Variants in DCAF13 observed in about 807,000 individuals in gnomAD.
DCAF13 encodes DDB1- and CUL4-associated factor 13.
Under a neutral mutation model 59.0 loss-of-function variants are expected in DCAF13, and 38 were observed. That is an observed-to-expected ratio of 0.64 (90% CI 0.50 to 0.84). The LOEUF is 0.84. DCAF13 is among the 40% of genes least tolerant of loss of function. DCAF13 has a pLI of 0.00. For synonymous variants in DCAF13, 173 were observed against 175.0 expected, an observed-to-expected ratio of 0.99 and a Z score of 0.09; for missense variants, 469 against 558.4, an observed-to-expected ratio of 0.84 and a Z score of 1.61.
chr8:103,432,697 C>A lies in DCAF13; in HGVS notation c.741C>A (p.Asn247Lys). ...LDMRTNTICW[N>K]PMEAFIFTAA... ...TGAGAACAAATACAATCTGTTGGAA[C>A]CCTATGGAAGCTTTCATTTTTACAG... is the stretch of plus-strand genomic sequence containing the variant. The change falls in exon 7 of 11, where the codon AAC becomes AAA. Residue 247 changes from asparagine (N) to lysine (K), a missense_variant. Physicochemically the swap from Asn to Lys is moderately conservative, Grantham distance 94 (BLOSUM62 0). Around this residue, in one of 3 missense-constraint regions of DCAF13, gnomAD observed 355 missense variants for 399.1 expected, o/e 0.89. Coordinates refer to ENST00000612750, the MANE Select transcript of DCAF13 (RefSeq NM_015420.7). The A allele has an allele frequency of 2.5e-6, 4 of 1,606,246 alleles. No individual in the cohort carries two copies. The highest frequency in any genetic ancestry group is 2.6e-6 in the Non-Finnish European group (3 of 1,174,096).
chr8:103,421,515 C>T (rs1023271588), intron 3 of DCAF13, among the ~76,000 whole-genome samples: 3 of 152,186 alleles, frequency 2.0e-5, no homozygotes, highest in Non-Finnish European at 2.9e-5. Context: ...CATCACTGTG[C>T]AACCATCACC....
At chr8:103,439,322 A>G (rs1039141741) in intron 8 of DCAF13, among the ~76,000 whole-genome samples, 1 of 149,534 alleles carries the variant, frequency 6.7e-6, no homozygotes, top group Non-Finnish European at 1.5e-5. Context: ...AACTTATCAG[A>G]CACTTCTGTA....
intron 7 of DCAF13, 132 bp from the exon 8 acceptor site, chr8:103,435,494 T>A (rs1816920663): frequency 1.6e-6 from 1 of 628,738 alleles, no homozygotes; most frequent in African/African-American, 1.9e-5. Context: ...CACCTGCTTG[T>A]GTACAGCATT....
In DCAF13 at chr8:103,430,689, G is replaced by T; in HGVS notation, c.702G>T (p.Lys234Asn). 1 of 1,605,836 alleles carries T rather than the reference G, an allele frequency of 6.2e-7. No homozygotes were observed. The highest frequency in any genetic ancestry group is 8.5e-7 in the Non-Finnish European group (1 of 1,175,792). Residue 234 changes from lysine to asparagine, a missense_variant and splice_region_variant, in exon 6 of 11, where the codon AAG becomes AAT. Around this residue, in one of 3 missense-constraint regions of DCAF13, gnomAD observed 355 missense variants for 399.1 expected, o/e 0.89. Coordinates refer to ENST00000612750, the MANE Select transcript of DCAF13 (RefSeq NM_015420.7). ...YDMRQATPLK[K>N]VILDMRTNTI... ...TGAGGCAAGCTACTCCTTTGAAAAA[G>T]GTGAGTTTCAGTTTTGACTTTTGCT...
rs550552428 is a variant in DCAF13 at position 103,423,904 on chromosome 8, C to T, written c.379-2152C>T. Among the ~76,000 whole-genome samples, 37 of 152,190 alleles carry T rather than the reference C, an allele frequency of 2.4e-4. 2 individuals are homozygous for T. The highest frequency in any genetic ancestry group is 1.3e-3 in the Admixed American group (20 of 15,286). Reference sequence around the variant, plus strand: ...TTTTTAAAGAGACAGAGTCTTGCTACGTTGCCCAGGCCGATGTTGAACTCC... The same window carrying T: ...TTTTTAAAGAGACAGAGTCTTGCTATGTTGCCCAGGCCGATGTTGAACTCC... On this transcript the variant is annotated intron_variant, in intron 3 of 10. Coordinates refer to ENST00000612750, the MANE Select transcript of DCAF13 (RefSeq NM_015420.7).
At chr8:103,415,782 G>T (rs567172960) in intron 1 of DCAF13, among the ~76,000 whole-genome samples, 45 of 152,344 alleles carry the variant, frequency 3.0e-4, no homozygotes, top group African/African-American at 1.0e-3. Context: ...TCCAGCTGCT[G>T]CTCTGGGATT....
At chr8:103,424,788 G>A (rs548133874) in intron 3 of DCAF13, among the ~76,000 whole-genome samples, 1 of 152,278 alleles carries the variant, frequency 6.6e-6, no homozygotes, top group Non-Finnish European at 1.5e-5. Context: ...TTTGGGTCAA[G>A]CCAGATCAGT....
intron 10 of DCAF13, 160 bp from the exon 11 acceptor site, chr8:103,442,635 G>C: frequency 2.1e-6 from 1 of 480,390 alleles, no homozygotes; most frequent in Non-Finnish European, 3.7e-6. Flanking sequence ...AAGTAAAGTT[G>C]ATTTCTTGGT....
intron 1 of DCAF13, 79 bp downstream of exon 1, chr8:103,415,595 G>A (rs1816598030): frequency 1.5e-6 from 2 of 1,376,098 alleles, no homozygotes; most frequent in Middle Eastern, 2.6e-4. Context: ...GAGTAAAGCC[G>A]GGGGAGGCTG....
intron 3 of DCAF13, among the ~76,000 whole-genome samples, chr8:103,424,103 C>T (rs1256334025): frequency 6.6e-6 from 1 of 152,080 alleles, no homozygotes; most frequent in African/African-American, 2.4e-5. Flanking sequence ...ACTGCAAGCT[C>T]TGCCTCCCGG....
chr8:103,431,547 A>G (rs2130489262), intron 6 of DCAF13, among the ~76,000 whole-genome samples: 1 of 152,360 alleles, frequency 6.6e-6, no homozygotes, highest in African/African-American at 2.4e-5. Context: ...TACCACTTAT[A>G]TGATTTCACT....
Position 103,441,510 on chromosome 8 carries a change from T to G in DCAF13, c.1142T>G (p.Phe381Cys), listed in dbSNP as rs917905128. The G allele has an allele frequency of 1.2e-6, 2 of 1,600,968 alleles. No homozygotes were observed. Among genetic ancestry groups the G allele is most frequent in the African/African-American group, 2.7e-5 (2 of 73,944 alleles). Residue 381 changes from phenylalanine (F) to cysteine (C), a missense_variant, in exon 10 of 11, where the codon TTT becomes TGT. By Grantham distance (205) the Phe-to-Cys change is radical. Transcript: ENST00000612750. ...KDYNQKLKEK[F>C]QHYPHIKRIA... ...TATAACCAGAAATTGAAGGAGAAATTTCAGCATTATCCTCATATAAAACGT... is the reference window on the plus strand; with the variant it reads ...TATAACCAGAAATTGAAGGAGAAATGTCAGCATTATCCTCATATAAAACGT...
At chr8:103,426,576 A>G (rs1408687219) in intron 4 of DCAF13, among the ~76,000 whole-genome samples, 7 of 152,192 alleles carry the variant, frequency 4.6e-5, no homozygotes, top group Admixed American at 4.6e-4. Context: ...AAATCTTATT[A>G]ATGTTTCTAC....
In DCAF13 at chr8:103,417,416, C is replaced by T. The variant is rs192223922; in HGVS notation, c.70+1900C>T. 9.4e-4 allele frequency among the ~76,000 whole-genome samples: 141 copies of T among 149,620 alleles called. 1 individual carries two copies. Among genetic ancestry groups the T allele is most frequent in the African/African-American group, 2.9e-3 (117 of 40,670 alleles). On this transcript the variant is annotated intron_variant, in intron 1 of 10. Transcript: ENST00000612750. ...CAGCACTTTGGGAGGCCGAGACGGGCGGATCACGAGGTCAGGAGATTGAGA... is the reference window on the plus strand; with the variant it reads ...CAGCACTTTGGGAGGCCGAGACGGGTGGATCACGAGGTCAGGAGATTGAGA...
intron 2 of DCAF13, chr8:103,420,736 C>T: frequency 1.7e-6 from 1 of 578,894 alleles, no homozygotes; most frequent in Non-Finnish European, 3.0e-6. Flanking sequence ...TTGTCAACAC[C>T]TAATTTCCTA....
Position 103,415,464 on chromosome 8 carries a change from G to C in DCAF13, c.18G>C (p.Leu6=), listed in dbSNP as rs1266797248. The change falls in exon 1 of 11, where the codon CTG becomes CTC. Residue 6 remains leucine (L), a synonymous_variant. Transcript: ENST00000612750. ...CAACCGAGATGAAGGTGAAGATGCTGAGCCGGAATCCGGACAATTATGTCC... is the reference window on the plus strand; with the variant it reads ...CAACCGAGATGAAGGTGAAGATGCTCAGCCGGAATCCGGACAATTATGTCC... The part of the protein sequence containing the change: MKVKM[L]SRNPDNYVRE... 1.9e-6 allele frequency: 3 copies of C among 1,613,834 alleles called. No individual in the cohort carries two copies. Among genetic ancestry groups the C allele is most frequent in the African/African-American group, 2.7e-5 (2 of 74,946 alleles).
intron 5 of DCAF13, 60 bp from the exon 6 acceptor site, chr8:103,430,552 A>G (rs1816849494): frequency 5.4e-6 from 6 of 1,117,562 alleles, no homozygotes; most frequent in Non-Finnish European, 8.0e-6. Flanking sequence ...TGTTTACTGA[A>G]TGGATGTGGT....
intron 2 of DCAF13, 188 bp downstream of exon 2, chr8:103,420,651 A>G (rs1423063741): frequency 4.9e-6 from 3 of 613,558 alleles, no homozygotes; most frequent in African/African-American, 1.9e-5. Context: ...GCAGTAGTTT[A>G]AGGATCAATT....
intron 7 of DCAF13, among the ~76,000 whole-genome samples, chr8:103,433,045 T>C (rs939518669): frequency 3.3e-5 from 5 of 152,162 alleles, no homozygotes; most frequent in Admixed American, 1.3e-4. Flanking sequence ...TATTTAGATA[T>C]TGGATATGGC....
Sources: allele counts gnomAD v4.1 joint callset (sites outside exome capture counted in the v4.1 genomes callset), GRCh38; gene constraint gnomAD v4.1.1; regional missense constraint gnomAD v4.1.1; transcripts MANE v1.5; gene names NCBI Gene and HGNC (gene_info 2026-07-23, HGNC 2026-07-21).